The following CTNNA2 variants were observed in gnomAD, a reference collection of about 807,000 sequenced individuals.
The protein encoded by CTNNA2 is catenin alpha-2.
A neutral mutation model predicts 101.0 loss-of-function variants in CTNNA2; 42 were observed. The ratio of observed to expected loss-of-function variants is 0.42; its 90% confidence interval spans 0.32 to 0.54. The LOEUF is 0.54. CTNNA2 is among the 20% of genes least tolerant of loss of function. The pLI, the probability that CTNNA2 is intolerant of heterozygous loss-of-function variation, is 0.14. For missense variants in CTNNA2, 871 were observed against 1,223.1 expected (o/e 0.71, Z 4.29); for synonymous variants, 450 against 456.4 (o/e 0.99, Z 0.18).
Position 79,606,552 on chromosome 2 carries a change from G to A in CTNNA2, c.-5-45000G>A, listed in dbSNP as rs368973572. ...CAAAGTGCTGGGATTACAGGCGTGA[G>A]CCACCACGCCTGGCCAATATTGAGT... is the stretch of plus-strand genomic sequence containing the variant. On this transcript the variant is annotated intron_variant, in intron 1 of 18. Transcript: ENST00000402739. Among the ~76,000 whole-genome samples, 7 of 152,158 alleles carry A rather than the reference G, an allele frequency of 4.6e-5. No individual in the cohort carries two copies. The East Asian group carries it at 1.4e-3, about 29-fold the overall frequency.
intron 7 of CTNNA2, among the ~76,000 whole-genome samples, chr2:79,919,513 AT>A (rs1686505534): frequency 6.6e-6 from 1 of 152,184 alleles, no homozygotes; most frequent in African/African-American, 2.4e-5. Flanking sequence ...AGTAGCTGAG[AT>A]TGTTGACAGA....
chr2:79,247,098 A>G lies in CTNNA2; in HGVS notation c.-406+49022A>G, dbSNP rs374726793. Among the ~76,000 whole-genome samples, 55 of 152,298 alleles carry G rather than the reference A, an allele frequency of 3.6e-4. No homozygotes were observed. The East Asian group carries it at 8.9e-3, about 25-fold the overall frequency. On this transcript the variant is annotated intron_variant, in intron 2 of 21. Transcript: ENST00000466387. Reference sequence around the variant, plus strand: ...ATGCTCAGTATCTTGTATTAGGCAGAGACAGCTTTTAGGAACCACTTGTGG... The same window carrying G: ...ATGCTCAGTATCTTGTATTAGGCAGGGACAGCTTTTAGGAACCACTTGTGG...
rs1707090778 is a variant in CTNNA2, at chr2:80,199,853, GA to G, written c.1057-193353del. Among the ~76,000 whole-genome samples, 3 of 152,288 alleles carry G rather than the reference GA, an allele frequency of 2.0e-5. No homozygotes were observed. In the East Asian group the frequency reaches 5.8e-4, roughly 29 times the overall value. On this transcript the variant is annotated intron_variant, in intron 7 of 18. Coordinates refer to ENST00000402739, the MANE Select transcript of CTNNA2 (RefSeq NM_001282597.3). ...GGGCTATTAGCTCCTGACCTACTTA[GA>G]AAAAGTGTAACTAAAGTGGAACCAG...
chr2:80,608,324 C>G lies in CTNNA2; in HGVS notation c.2430+6C>G. 6.2e-7 allele frequency: 1 copy of G among 1,606,576 alleles called. No homozygotes were observed. Among genetic ancestry groups the G allele is most frequent in the Non-Finnish European group, 8.5e-7 (1 of 1,174,738 alleles). ...GAGAGCTCATTGTGTCAGGGGTAAGCTGGACTTGGGCTTCACAATGTAAAG... is the reference window on the plus strand; with the variant it reads ...GAGAGCTCATTGTGTCAGGGGTAAGGTGGACTTGGGCTTCACAATGTAAAG... On this transcript the variant is annotated splice_donor_region_variant and intron_variant, in intron 17 of 18. Coordinates refer to ENST00000402739, the MANE Select transcript of CTNNA2 (RefSeq NM_001282597.3).
intron 2 of CTNNA2, among the ~76,000 whole-genome samples, chr2:79,709,004 A>G (rs941979227): frequency 3.3e-5 from 5 of 152,188 alleles, no homozygotes; most frequent in African/African-American, 4.8e-5. Flanking sequence ...TTATGGTTTT[A>G]CCTGTTTAAT....
chr2:80,416,161 T>A (rs908007450), intron 8 of CTNNA2, among the ~76,000 whole-genome samples: 1 of 152,050 alleles, frequency 6.6e-6, no homozygotes, highest in African/African-American at 2.4e-5. Context: ...GCAAAAATGC[T>A]GTGCTGTATG....
intron 1 of CTNNA2, among the ~76,000 whole-genome samples, chr2:79,589,734 G>A (rs924023777): frequency 2.7e-5 from 4 of 147,898 alleles, no homozygotes; most frequent in East Asian, 4.0e-4. Context: ...CCCGAGACAC[G>A]AATTTACTCC....
intron 1 of CTNNA2, among the ~76,000 whole-genome samples, chr2:79,520,186 C>A (rs1238143195): frequency 6.6e-6 from 1 of 152,186 alleles, no homozygotes; most frequent in African/African-American, 2.4e-5. Flanking sequence ...GATTGACAAA[C>A]ACACCTGTGT....
At chr2:80,313,710 A>C in intron 7 of CTNNA2, 2 of 1,295,586 alleles carry the variant, frequency 1.5e-6, no homozygotes, top group Non-Finnish European at 2.2e-6. Context: ...GATTGGAAAG[A>C]CTTTCAACTA....
chr2:79,305,503 TTTTATTATATTCTACACTC>T lies in CTNNA2; in HGVS notation c.-405-7202_-405-7184del, dbSNP rs756657069. ...TGCATGGTATGGTATCTTTTCAATG[TTTTATTATATTCTACACTC>T]TTTTTGCTTTCTCGATCTTACCCCA... On this transcript the variant is annotated intron_variant, in intron 2 of 21. Transcript: ENST00000466387. 3.5e-3 allele frequency among the ~76,000 whole-genome samples: 524 copies of T among 149,106 alleles called. 5 individuals are homozygous for T. The highest frequency in any genetic ancestry group is 0.01 in the Middle Eastern group (3 of 286).
intron 2 of CTNNA2, among the ~76,000 whole-genome samples, chr2:79,221,126 TA>T (rs546202025): frequency 1.1e-3 from 131 of 123,976 alleles, no homozygotes; most frequent in Non-Finnish European, 1.8e-3. Context: ...AATAATAAGC[TA>T]AAAAAAATCT....
intron 7 of CTNNA2, among the ~76,000 whole-genome samples, chr2:80,373,870 T>C (rs1310848858): frequency 6.6e-6 from 1 of 152,160 alleles, no homozygotes; most frequent in Non-Finnish European, 1.5e-5. Flanking sequence ...TTTCCGAGAA[T>C]TCACACAAGA....
At chr2:80,589,871 TG>T (rs1696290237) in intron 15 of CTNNA2, among the ~76,000 whole-genome samples, 1 of 134,538 alleles carries the variant, frequency 7.4e-6, no homozygotes, top group East Asian at 2.2e-4. Flanking sequence ...TGTGTGTGTG[TG>T]TGTGTGTGTG....
intron 9 of CTNNA2, among the ~76,000 whole-genome samples, chr2:80,540,054 C>G (rs1056664674): frequency 6.6e-6 from 1 of 152,184 alleles, no homozygotes; most frequent in East Asian, 1.9e-4. Flanking sequence ...TTGTATTGTT[C>G]AACATCTTTG....
chr2:80,183,107 C>A (rs1182094486), intron 7 of CTNNA2, among the ~76,000 whole-genome samples: 1 of 152,086 alleles, frequency 6.6e-6, no homozygotes, highest in Non-Finnish European at 1.5e-5. Flanking sequence ...TGGTGTTATT[C>A]CTGGAAATTC....
chr2:80,228,013 T>C (rs1226673527), intron 7 of CTNNA2, among the ~76,000 whole-genome samples: 1 of 152,046 alleles, frequency 6.6e-6, no homozygotes, highest in Non-Finnish European at 1.5e-5. Flanking sequence ...GCTGGTGGGT[T>C]CAGTGGTTAG....
intron 9 of CTNNA2, among the ~76,000 whole-genome samples, chr2:80,543,774 T>C (rs969624781): frequency 6.6e-6 from 1 of 152,162 alleles, no homozygotes; most frequent in African/African-American, 2.4e-5. Flanking sequence ...TCTAAAATCC[T>C]AGGGCATTCA....
At chr2:79,744,696 T>G in intron 3 of CTNNA2, 114 bp downstream of exon 3, 1 of 1,005,066 alleles carries the variant, frequency 9.9e-7, no homozygotes, top group Non-Finnish European at 1.4e-6. Flanking sequence ...GTTTTTTTCC[T>G]TTCTATCTAC....
intron 9 of CTNNA2, among the ~76,000 whole-genome samples, chr2:80,449,036 T>C (rs1683285847): frequency 6.6e-6 from 1 of 152,180 alleles, no homozygotes; most frequent in Non-Finnish European, 1.5e-5. Context: ...ACATTGATGA[T>C]ATGGGTTTGT....
Sources: allele counts gnomAD v4.1 joint callset (sites outside exome capture counted in the v4.1 genomes callset), GRCh38; gene constraint gnomAD v4.1.1; transcripts MANE v1.5; gene names NCBI Gene and HGNC (gene_info 2026-07-23, HGNC 2026-07-21).